The following VEGFC variants were observed in gnomAD, a reference collection of about 807,000 sequenced individuals.
The protein encoded by VEGFC is FLT4 ligand DHM.
A neutral mutation model predicts 46.1 loss-of-function variants in VEGFC; 12 were observed. The observed-to-expected ratio is 0.26, with a 90% confidence interval of 0.17 to 0.42. The LOEUF is 0.42. VEGFC is among the 10% of genes least tolerant of loss of function. The pLI is 1.00. For synonymous variants in VEGFC, 232 were observed against 195.5 expected (o/e 1.19, Z -1.56); for missense variants, 488 against 529.4 (o/e 0.92, Z 0.77).
chr4:176,748,052 G>A (rs1371080770), intron 1 of VEGFC, among the ~76,000 whole-genome samples: 1 of 151,868 alleles, frequency 6.6e-6, no homozygotes, highest in Non-Finnish European at 1.5e-5. Context: ...ATACCTTGAG[G>A]CATTCAATAT....
intron 1 of VEGFC, among the ~76,000 whole-genome samples, chr4:176,748,841 A>G (rs987775080): frequency 6.6e-6 from 1 of 151,982 alleles, no homozygotes; most frequent in African/African-American, 2.4e-5. Context: ...AAAAAGTCAT[A>G]TACTTTTACA....
At position 176,683,905 on chromosome 4, in the gene VEGFC, G is replaced by T. The variant is rs538949140; in HGVS notation, c.*21C>A. On this transcript the variant is annotated 3_prime_UTR_variant, in exon 7 of 7. Transcript: ENST00000618562. ...CAGTTTTCCATAATAGAAAATCGAT[G>T]AACTGGAAAACAGTACAATCTTAGC... 3 of 1,584,264 alleles carry T rather than the reference G, an allele frequency of 1.9e-6. No individual in the cohort carries two copies. The highest frequency in any genetic ancestry group is 2.2e-5 in the South Asian group (2 of 90,404).
intron 6 of VEGFC, among the ~76,000 whole-genome samples, chr4:176,686,775 T>A (rs181861491): frequency 7.9e-4 from 120 of 152,302 alleles, no homozygotes; most frequent in African/African-American, 2.8e-3. Flanking sequence ...CATTTCCAGA[T>A]ATAATTCTAT....
chr4:176,785,958 A>G (rs927963896), intron 1 of VEGFC, among the ~76,000 whole-genome samples: 10 of 148,846 alleles, frequency 6.7e-5, no homozygotes, highest in Non-Finnish European at 1.3e-4. Flanking sequence ...CAGATAGCAC[A>G]ATGATGGGTG....
Position 176,711,562 on chromosome 4 carries a change from T to G in VEGFC, c.641A>C (p.Lys214Thr), listed in dbSNP as rs1734619969. Reference protein sequence around the residue: ...ANHTSCRCMSKLDVYRQVHSI... With the variant: ...ANHTSCRCMSTLDVYRQVHSI... ...ATGAACTTGTCTGTAAACATCCAGT[T>G]TAGACATGCATCGGCAGGAAGTGTG... The change falls in exon 4 of 7, where the codon AAA becomes ACA. Residue 214 changes from lysine (K) to threonine (T), a missense_variant. Coordinates refer to ENST00000618562, the MANE Select transcript of VEGFC (RefSeq NM_005429.5). 6.2e-7 allele frequency: 1 copy of G among 1,613,820 alleles called. No homozygotes were observed. The highest frequency in any genetic ancestry group is 1.3e-5 in the African/African-American group (1 of 75,014).
chr4:176,758,846 C>T (rs1381530808), intron 1 of VEGFC, among the ~76,000 whole-genome samples: 4 of 152,138 alleles, frequency 2.6e-5, no homozygotes, highest in Non-Finnish European at 4.4e-5. Flanking sequence ...CTCATACCAT[C>T]ACATGGCCAT....
At chr4:176,698,562 A>T (rs1734366713) in intron 4 of VEGFC, among the ~76,000 whole-genome samples, 2 of 152,106 alleles carry the variant, frequency 1.3e-5, no homozygotes, top group South Asian at 4.1e-4. Flanking sequence ...TAATTAACAT[A>T]TCCACACCTC....
chr4:176,702,740 A>G lies in VEGFC; in HGVS notation c.704+8759T>C, dbSNP rs541238661. On this transcript the variant is annotated intron_variant, in intron 4 of 6. Transcript: ENST00000618562. Reference sequence around the variant, plus strand: ...ACTATTAACTTCAAGGTCCTTGTCTATTTGACATCACTCTCTCCTCTTTGA... The same window carrying G: ...ACTATTAACTTCAAGGTCCTTGTCTGTTTGACATCACTCTCTCCTCTTTGA... Among the ~76,000 whole-genome samples the G allele has an allele frequency of 6.2e-4, 95 of 152,184 alleles. 1 individual carries two copies. The South Asian group carries it at 0.018, about 30-fold the overall frequency.
chr4:176,780,381 C>CAAAAAAAAAAAAAAAAAAAAA (rs1252541684), intron 1 of VEGFC, among the ~76,000 whole-genome samples: 1 of 12,254 alleles, frequency 8.2e-5, no homozygotes, highest in Non-Finnish European at 1.7e-4. Context: ...GACTCCATCT[C>CAAAAAAAAAAAAAAAAAAAAA]AAAAAAAAAA....
intron 1 of VEGFC, among the ~76,000 whole-genome samples, chr4:176,732,192 T>G (rs1303217650): frequency 2.6e-5 from 4 of 151,952 alleles, no homozygotes; most frequent in African/African-American, 9.7e-5. Context: ...TACTGGTGCT[T>G]CAATAGAAAG....
intron 1 of VEGFC, among the ~76,000 whole-genome samples, chr4:176,785,387 C>T (rs917878803): frequency 6.6e-6 from 1 of 152,190 alleles, no homozygotes. Context: ...TTACCTTTTA[C>T]ACAAAGTTGT....
At chr4:176,763,850 A>G (rs1717310257) in intron 1 of VEGFC, among the ~76,000 whole-genome samples, 2 of 152,166 alleles carry the variant, frequency 1.3e-5, no homozygotes, top group South Asian at 2.1e-4. Context: ...CTCTAAAAAA[A>G]GGTCTTTTTT....
At chr4:176,749,793 G>A (rs201032072) in intron 1 of VEGFC, among the ~76,000 whole-genome samples, 4 of 151,540 alleles carry the variant, frequency 2.6e-5, no homozygotes, top group African/African-American at 4.8e-5. Context: ...AGAATTTGGC[G>A]GAGTCTCTTA....
intron 3 of VEGFC, among the ~76,000 whole-genome samples, chr4:176,718,615 A>G (rs1734733162): frequency 6.6e-6 from 1 of 152,148 alleles, no homozygotes; most frequent in African/African-American, 2.4e-5. Context: ...TATCAGAATT[A>G]GCTCATAGCA....
At chr4:176,720,857 A>G (rs1394808438) in intron 3 of VEGFC, among the ~76,000 whole-genome samples, 2 of 151,830 alleles carry the variant, frequency 1.3e-5, no homozygotes, top group Non-Finnish European at 2.9e-5. Context: ...AAAAAAAAAA[A>G]AAAAAAACCT....
chr4:176,739,144 T>C (rs954985745), intron 1 of VEGFC, among the ~76,000 whole-genome samples: 2 of 151,784 alleles, frequency 1.3e-5, no homozygotes, highest in African/African-American at 4.8e-5. Flanking sequence ...TATTAAGAAG[T>C]CAAAAAACAA....
chr4:176,710,030 C>G (rs553861443), intron 4 of VEGFC, among the ~76,000 whole-genome samples: 18 of 152,164 alleles, frequency 1.2e-4, no homozygotes, highest in African/African-American at 4.3e-4. Context: ...TCTGTGATTT[C>G]AAGGCCTCAA....
intron 1 of VEGFC, among the ~76,000 whole-genome samples, chr4:176,791,551 A>T (rs1736093047): frequency 8.3e-6 from 1 of 120,404 alleles, no homozygotes; most frequent in South Asian, 3.6e-4. Flanking sequence ...GAGCTTATAA[A>T]GTTGAAACAA....
chr4:176,692,106 G>C lies in VEGFC; in HGVS notation c.705-4179C>G, dbSNP rs1734197914. On this transcript the variant is annotated intron_variant, in intron 4 of 6. Transcript: ENST00000618562. ...GCTTTTCCGACGGGCTTAAAAAACG[G>C]CGCACCGGCCCGGCGCGGTGGCTCA... 2.0e-5 allele frequency among the ~76,000 whole-genome samples: 3 copies of C among 152,110 alleles called. No individual in the cohort carries two copies. In the South Asian group the frequency reaches 6.2e-4, roughly 32 times the overall value.
Sources: gnomAD v4.1 joint callset for allele counts (sites outside exome capture counted in the v4.1 genomes callset) on GRCh38, gnomAD v4.1.1 for gene constraint, MANE v1.5 for transcripts, NCBI Gene and HGNC (gene_info 2026-07-23, HGNC 2026-07-21) for gene names.